Variants in ZFR observed in about 807,000 individuals in gnomAD.
The protein encoded by ZFR is zinc finger RNA-binding protein.
A neutral mutation model predicts 130.7 loss-of-function variants in ZFR; 19 were observed. The observed-to-expected ratio is 0.15, with a 90% confidence interval of 0.10 to 0.21. The LOEUF is 0.21. ZFR is among the 10% of genes least tolerant of loss of function. The pLI is 1.00. For synonymous variants in ZFR, 466 were observed against 456.9 expected (o/e 1.02, Z -0.25); for missense variants, 872 against 1,321.5 (o/e 0.66, Z 5.27).
chr5:32,403,792 T>C lies in ZFR; in HGVS notation c.1224+114A>G, dbSNP rs1753521411. The stretch of plus-strand genomic sequence containing the variant: ...TGTATTATTAGCACATAAGCAAGGC[T>C]TATAATGCACTTAAAAGTTTTCGAA... On this transcript the variant is annotated intron_variant, in intron 7 of 19. Coordinates refer to ENST00000265069, the MANE Select transcript of ZFR (RefSeq NM_016107.5). 4 of 920,278 alleles carry C rather than the reference T, an allele frequency of 4.3e-6. No homozygotes were observed. The South Asian group carries it at 9.3e-5, about 21-fold the overall frequency. 57.0% of individuals were successfully genotyped at this position (920,278 alleles called of 1,614,324 possible). A position where few individuals can be genotyped will look rare whatever the true frequency, so the allele number is the denominator to read the frequency against.
intron 2 of ZFR, among the ~76,000 whole-genome samples, chr5:32,441,796 A>G (rs533110334): frequency 2.0e-5 from 3 of 152,176 alleles, no homozygotes; most frequent in African/African-American, 4.8e-5. Context: ...AACACTTTTC[A>G]TGTACTATGT....
At chr5:32,370,817 T>A (rs867766001) in intron 17 of ZFR, among the ~76,000 whole-genome samples, 17 of 152,316 alleles carry the variant, frequency 1.1e-4, no homozygotes, top group African/African-American at 3.1e-4. Context: ...TTCATCACCA[T>A]GGATTCATGA....
At chr5:32,416,918 T>TTTC (rs1753840597) in intron 4 of ZFR, among the ~76,000 whole-genome samples, 1 of 151,146 alleles carries the variant, frequency 6.6e-6, no homozygotes, top group Non-Finnish European at 1.5e-5. Context: ...TTTTTTCTTT[T>TTTC]TTTTTTTATT....
rs552883070 is a variant in ZFR at position 32,354,682 on chromosome 5, T to C, written c.*1078A>G. 6.5e-6 allele frequency: 1 copy of C among 152,772 alleles called. No homozygotes were observed. The highest frequency in any genetic ancestry group is 1.9e-4 in the East Asian group (1 of 5,186). 9.5% of individuals were successfully genotyped at this position (152,772 alleles called of 1,614,324 possible). ...TTATCAACCTCACTGTTAACAGAACTGTAAATTATCTGGGTGATGGGGTGT... is the reference window on the plus strand; with the variant it reads ...TTATCAACCTCACTGTTAACAGAACCGTAAATTATCTGGGTGATGGGGTGT... On this transcript the variant is annotated 3_prime_UTR_variant, in exon 20 of 20. Transcript: ENST00000265069.
intron 2 of ZFR, among the ~76,000 whole-genome samples, chr5:32,435,805 C>A (rs1348520692): frequency 2.0e-5 from 3 of 152,164 alleles, no homozygotes; most frequent in Admixed American, 6.5e-5. Context: ...TGATTTCAAC[C>A]ACAGTGCTTC....
At chr5:32,395,716 T>G (rs1753288704) in intron 10 of ZFR, among the ~76,000 whole-genome samples, 1 of 152,162 alleles carries the variant, frequency 6.6e-6, no homozygotes, top group Admixed American at 6.5e-5. Flanking sequence ...TTGAAGATGA[T>G]GAGGATGAAG....
intron 5 of ZFR, 109 bp from the exon 6 acceptor site, chr5:32,407,130 G>T: frequency 2.0e-6 from 2 of 1,021,788 alleles, no homozygotes; most frequent in Non-Finnish European, 2.7e-6. Flanking sequence ...AGATTTACAT[G>T]TGCATATTTA....
At chr5:32,433,943 C>T (rs1382078862) in intron 2 of ZFR, among the ~76,000 whole-genome samples, 1 of 152,176 alleles carries the variant, frequency 6.6e-6, no homozygotes, top group Admixed American at 6.6e-5. Flanking sequence ...CACGGTGGCA[C>T]ATGCCTGTAG....
rs370998112 is a variant in ZFR, at chr5:32,436,140, C to CTTTTTTTTTT, written c.137+8079_137+8088dup. Among the ~76,000 whole-genome samples, 6 of 91,794 alleles carry CTTTTTTTTTT rather than the reference C, an allele frequency of 6.5e-5. 1 individual carries two copies. Among genetic ancestry groups the CTTTTTTTTTT allele is most frequent in the Non-Finnish European group, 9.8e-5 (5 of 51,020 alleles). The allele number at this position is 91,794 out of a possible 152,430, so 60.2% of individuals were successfully genotyped here. A position where few individuals can be genotyped will look rare whatever the true frequency, so the allele number is the denominator to read the frequency against. ...TAAAGTTGGTAACCACAGTTGTATT[C>CTTTTTTTTTT]TTTTTTTTTTTTTTTTTTTTTTTTT... On this transcript the variant is annotated intron_variant, in intron 2 of 19. Transcript: ENST00000265069.
At chr5:32,414,083 C>T (rs530894059) in intron 5 of ZFR, among the ~76,000 whole-genome samples, 9 of 152,286 alleles carry the variant, frequency 5.9e-5, no homozygotes, top group East Asian at 1.9e-4. Flanking sequence ...AAGATAAAGA[C>T]ACACACCATA....
intron 19 of ZFR, among the ~76,000 whole-genome samples, chr5:32,359,964 A>T (rs1293265750): frequency 6.6e-6 from 1 of 151,720 alleles, no homozygotes; most frequent in Non-Finnish European, 1.5e-5. Flanking sequence ...AAAAAAAAAG[A>T]AAGAAAAATT....
At chr5:32,443,442 G>A (rs888900700) in intron 2 of ZFR, among the ~76,000 whole-genome samples, 4 of 152,370 alleles carry the variant, frequency 2.6e-5, no homozygotes, top group African/African-American at 7.2e-5. Context: ...ACCCCCGCAA[G>A]GAGAATGACA....
chr5:32,418,055 T>G (rs1753866232), intron 3 of ZFR, among the ~76,000 whole-genome samples: 1 of 152,100 alleles, frequency 6.6e-6, no homozygotes, highest in East Asian at 1.9e-4. Context: ...GGTAAGCAGA[T>G]AAAGACCATC....
At chr5:32,400,888 T>C (rs1011501376) in intron 8 of ZFR, among the ~76,000 whole-genome samples, 1 of 152,130 alleles carries the variant, frequency 6.6e-6, no homozygotes, top group African/African-American at 2.4e-5. Context: ...CCCTACAATT[T>C]AGAAAAATTA....
At chr5:32,414,858 A>T in intron 5 of ZFR, 111 bp downstream of exon 5, 1 of 957,484 alleles carries the variant, frequency 1.0e-6, no homozygotes, top group Non-Finnish European at 1.5e-6. Context: ...TCTATCAATT[A>T]ATTTAATTCC....
At chr5:32,420,684 C>CA (rs1176234258) in intron 2 of ZFR, among the ~76,000 whole-genome samples, 3 of 152,146 alleles carry the variant, frequency 2.0e-5, no homozygotes, top group Non-Finnish European at 4.4e-5. Context: ...TTTTGATGAC[C>CA]AAACTGCAGA....
At chr5:32,429,278 G>A (rs1002464155) in intron 2 of ZFR, among the ~76,000 whole-genome samples, 33 of 152,124 alleles carry the variant, frequency 2.2e-4, no homozygotes, top group Middle Eastern at 3.2e-3. Flanking sequence ...GAGCCACTGC[G>A]TCTGGCCTCT....
intron 2 of ZFR, among the ~76,000 whole-genome samples, chr5:32,431,966 T>C (rs889181796): frequency 2.6e-5 from 4 of 151,682 alleles, no homozygotes; most frequent in African/African-American, 9.7e-5. Context: ...CAGCTGAGAC[T>C]ACGCATGTGT....
chr5:32,365,402 A>G (rs1052657674), intron 17 of ZFR, among the ~76,000 whole-genome samples: 3 of 152,186 alleles, frequency 2.0e-5, no homozygotes, highest in Non-Finnish European at 4.4e-5. Context: ...ATTTAAAGAA[A>G]TAGCGCACAT....
Sources: allele counts gnomAD v4.1 joint callset (sites outside exome capture counted in the v4.1 genomes callset), GRCh38; gene constraint gnomAD v4.1.1; transcripts MANE v1.5; gene names NCBI Gene and HGNC (gene_info 2026-07-23, HGNC 2026-07-21).